The following NRP1 variants were observed in gnomAD, a reference collection of about 807,000 sequenced individuals.
NRP1 encodes the protein neuropilin-1.
NRP1 carries 35 observed loss-of-function variants against 106.7 expected under a neutral mutation model. The observed-to-expected ratio is 0.33, with a 90% CI of 0.25 to 0.43. The LOEUF (loss-of-function observed/expected upper bound fraction) is 0.43. Ranked by LOEUF, NRP1 falls within the 20% of genes least tolerant of loss-of-function variation. The probability of loss-of-function intolerance (pLI) is 1.00; values close to 1 mark genes in which losing one functional copy is unlikely to be tolerated. For missense variants in NRP1, 1,024 were observed against 1,170.4 expected (o/e 0.87, Z 1.83); for synonymous variants, 437 against 417.9 (o/e 1.05, Z -0.56).
At chr10:33,203,253 TAC>T (rs1428166241) in intron 10 of NRP1, among the ~76,000 whole-genome samples, 2 of 152,256 alleles carry the variant, frequency 1.3e-5, no homozygotes, top group Non-Finnish European at 2.9e-5. Flanking sequence ...CATTGTTATC[TAC>T]ATAAACATCC....
intron 1 of NRP1, among the ~76,000 whole-genome samples, chr10:33,332,676 T>C (rs910972469): frequency 1.3e-5 from 2 of 152,196 alleles, no homozygotes; most frequent in Non-Finnish European, 2.9e-5. Flanking sequence ...GGACCATTAG[T>C]CCTAAATAAG....
chr10:33,188,733 C>T (rs1373184699), intron 13 of NRP1, among the ~76,000 whole-genome samples: 4 of 151,098 alleles, frequency 2.6e-5, no homozygotes, highest in South Asian at 2.1e-4. Flanking sequence ...AAAAATTAGC[C>T]GGGCGTGGTG....
At chr10:33,293,029 C>T (rs112401330) in intron 2 of NRP1, among the ~76,000 whole-genome samples, 1,969 of 151,916 alleles carry the variant, frequency 0.013, 15 homozygotes, top group Non-Finnish European at 0.021. Flanking sequence ...CCACAGCTTC[C>T]CTATGACCTC....
intron 3 of NRP1, among the ~76,000 whole-genome samples, chr10:33,265,355 C>A (rs541599221): frequency 3.9e-5 from 6 of 152,294 alleles, no homozygotes; most frequent in Admixed American, 3.3e-4. Flanking sequence ...GGCTTGAAGG[C>A]AGACGTGATG....
intron 2 of NRP1, among the ~76,000 whole-genome samples, chr10:33,287,056 AT>A (rs771848898): frequency 5.3e-5 from 8 of 152,172 alleles, no homozygotes; most frequent in Admixed American, 2.0e-4. Context: ...TCAAAGTCAA[AT>A]GGTCTTTATA....
In NRP1 at chr10:33,221,815, G is replaced by T; in HGVS notation, c.1186C>A (p.Pro396Thr). Residue 396 changes from proline to threonine, a missense_variant, in exon 8 of 17, where the codon CCC becomes ACC. By Grantham distance (38) the Pro-to-Thr change is conservative. Around this residue, in one of 5 missense-constraint regions of NRP1, gnomAD observed 562 missense variants for 620.3 expected, o/e 0.91. Coordinates refer to ENST00000374867, the MANE Select transcript of NRP1 (RefSeq NM_003873.7). The part of the protein sequence containing the change: ...NPTDVVVAVF[P>T]KPLITRFVRI... ...ACAAATCGAGTTATCAGTGGTTTGG[G>T]GAATACTGCAACCACAACATCTGTG... is the stretch of plus-strand genomic sequence containing the variant. The T allele has an allele frequency of 6.2e-7, 1 of 1,614,016 alleles. No homozygotes were observed. The highest frequency in any genetic ancestry group is 2.2e-5 in the East Asian group (1 of 44,858).
At chr10:33,204,350 G>C (rs1837592037) in intron 10 of NRP1, among the ~76,000 whole-genome samples, 1 of 152,128 alleles carries the variant, frequency 6.6e-6, no homozygotes. Context: ...TAACTAAGAA[G>C]TCACCAAGTG....
chr10:33,182,846 C>CACAA, intron 15 of NRP1, 98 bp from the exon 16 acceptor site: 1 of 803,088 alleles, frequency 1.2e-6, no homozygotes, highest in African/African-American at 1.7e-5. Flanking sequence ...CACACACACA[C>CACAA]ACACACACAC....
chr10:33,250,541 T>C (rs1315526770), intron 6 of NRP1, among the ~76,000 whole-genome samples: 3 of 152,194 alleles, frequency 2.0e-5, no homozygotes, highest in Non-Finnish European at 2.9e-5. Flanking sequence ...AGGGAGGTGA[T>C]GGACATTTCA....
At chr10:33,272,023 T>C (rs1163058380) in intron 2 of NRP1, among the ~76,000 whole-genome samples, 3 of 152,228 alleles carry the variant, frequency 2.0e-5, no homozygotes, top group East Asian at 3.8e-4. Flanking sequence ...GGCTAAAATA[T>C]GGCAGTAACA....
intron 13 of NRP1, among the ~76,000 whole-genome samples, chr10:33,187,204 T>A (rs1459202121): frequency 1.3e-5 from 2 of 152,126 alleles, no homozygotes; most frequent in Non-Finnish European, 1.5e-5. Context: ...AACTTTAAGA[T>A]CACACTGCGG....
intron 3 of NRP1, among the ~76,000 whole-genome samples, chr10:33,265,733 TCA>T (rs1842874093): frequency 1.3e-5 from 2 of 152,200 alleles, no homozygotes; most frequent in Non-Finnish European, 2.9e-5. Flanking sequence ...TGGACGTGGC[TCA>T]CCCTTCACCA....
intron 11 of NRP1, chr10:33,201,576 A>C (rs1837311278): frequency 6.6e-6 from 1 of 152,198 alleles, no homozygotes; most frequent in Admixed American, 6.5e-5. Flanking sequence ...TTGAGTTTTC[A>C]ACTTGAACTT....
chr10:33,191,327 G>A (rs980886211), intron 13 of NRP1, among the ~76,000 whole-genome samples: 2 of 152,268 alleles, frequency 1.3e-5, no homozygotes, highest in African/African-American at 4.8e-5. Flanking sequence ...GGAGGTGGTG[G>A]GAGGGTTGTG....
chr10:33,238,566 A>T (rs1347297820), intron 6 of NRP1, among the ~76,000 whole-genome samples: 1 of 152,144 alleles, frequency 6.6e-6, no homozygotes, highest in Admixed American at 6.5e-5. Flanking sequence ...CACAATACAG[A>T]GTGAACAGAT....
intron 15 of NRP1, 132 bp downstream of exon 15, chr10:33,185,496 G>A (rs770896491): frequency 2.5e-5 from 16 of 643,976 alleles, no homozygotes; most frequent in Admixed American, 1.7e-4. Context: ...ACCAGAATAC[G>A]CATTTCCTAT....
chr10:33,254,208 C>T lies in NRP1; in HGVS notation c.815-14G>A, dbSNP rs778012312. 2 of 1,595,690 alleles carry T rather than the reference C, an allele frequency of 1.3e-6. No homozygotes were observed. The highest frequency in any genetic ancestry group is 8.5e-7 in the Non-Finnish European group (1 of 1,174,210). On this transcript the variant is annotated splice_polypyrimidine_tract_variant and intron_variant, in intron 5 of 16. Transcript: ENST00000374867. ...TACATTTGAAATCTGAAGGGAAAAA[C>T]AGGGCCCACAGTCATCAAAATATAG...
chr10:33,289,658 T>C (rs1844844808), intron 2 of NRP1, among the ~76,000 whole-genome samples: 1 of 152,242 alleles, frequency 6.6e-6, no homozygotes, highest in Non-Finnish European at 1.5e-5. Context: ...GTGTGTTAGA[T>C]ACACATACGA....
At position 33,207,653 on chromosome 10, in the gene NRP1, G is replaced by C. The variant is rs374062923; in HGVS notation, c.1678C>G (p.Arg560Gly). The change falls in exon 10 of 17, where the codon CGA becomes GGA. Residue 560 changes from arginine (R) to glycine (G), a missense_variant. Physicochemically the swap from Arg to Gly is moderately radical, Grantham distance 125 (BLOSUM62 -2). Around this residue, in one of 5 missense-constraint regions of NRP1, gnomAD observed 562 missense variants for 620.3 expected, o/e 0.91. Transcript: ENST00000374867. ...ELRTFPALSTRFIRIYPERAT... is the reference protein window; with the variant it reads ...ELRTFPALSTGFIRIYPERAT... Reference sequence around the variant, plus strand: ...CTCTCGGGGTAGATCCTGATGAATCGCGTGGAGAGAGCTGGAAAAGTCCGC... The same window carrying C: ...CTCTCGGGGTAGATCCTGATGAATCCCGTGGAGAGAGCTGGAAAAGTCCGC... 1 of 1,614,088 alleles carries C rather than the reference G, an allele frequency of 6.2e-7. No homozygotes were observed.
Sources: allele counts gnomAD v4.1 joint callset (sites outside exome capture counted in the v4.1 genomes callset), GRCh38; gene constraint gnomAD v4.1.1; regional missense constraint gnomAD v4.1.1; transcripts MANE v1.5; gene names NCBI Gene and HGNC (gene_info 2026-07-23, HGNC 2026-07-21).